Variants in BCAR3 observed in about 807,000 individuals in gnomAD.
BCAR3 encodes the protein breast cancer anti-estrogen resistance protein 3.
In BCAR3, 37 loss-of-function variants were observed where a neutral mutation model predicts 80.1. That is an observed-to-expected ratio of 0.46 (90% CI 0.36 to 0.61). BCAR3 has a LOEUF of 0.61. Ranked by LOEUF, BCAR3 falls within the 20% of genes least tolerant of loss-of-function variation. The pLI is 0.00. For missense variants in BCAR3, 978 were observed against 1,068.2 expected (o/e 0.92, Z 1.18); for synonymous variants, 389 against 418.9 (o/e 0.93, Z 0.87).
chr1:93,712,102 G>A lies in BCAR3; in HGVS notation c.-62-5960C>T, dbSNP rs372830147. ...CAGTTTCTTCTCCTACAAACTGGAG[G>A]TGGCTACTGTTGTGGGGTGAAGTGC... On this transcript the variant is annotated intron_variant, in intron 2 of 13. Transcript: ENST00000370244. 1.6e-3 allele frequency among the ~76,000 whole-genome samples: 246 copies of A among 152,298 alleles called. 1 individual carries two copies. Among genetic ancestry groups the A allele is most frequent in the African/African-American group, 5.7e-3 (236 of 41,566 alleles).
At chr1:93,667,176 C>T (rs1453165225) in intron 2 of BCAR3, among the ~76,000 whole-genome samples, 3 of 152,222 alleles carry the variant, frequency 2.0e-5, no homozygotes, top group East Asian at 3.8e-4. Context: ...GCCACGGCTA[C>T]GTCGACATCC....
At chr1:93,658,464 T>G (rs750036490) in intron 2 of BCAR3, among the ~76,000 whole-genome samples, 1 of 151,526 alleles carries the variant, frequency 6.6e-6, no homozygotes, top group Admixed American at 6.6e-5. Context: ...CTGGGCAACA[T>G]GGTGAGACCC....
intron 2 of BCAR3, among the ~76,000 whole-genome samples, chr1:93,727,066 A>G (rs1650610354): frequency 1.3e-5 from 2 of 152,080 alleles, no homozygotes; most frequent in Admixed American, 6.5e-5. Flanking sequence ...TGTTCCTTCC[A>G]TTGACTCTTG....
chr1:93,762,617 C>T (rs551281756), intron 2 of BCAR3, among the ~76,000 whole-genome samples: 1 of 152,308 alleles, frequency 6.6e-6, no homozygotes, highest in African/African-American at 2.4e-5. Context: ...TGAAATGACA[C>T]CCTTCACCCC....
At chr1:93,701,443 G>C (rs1375434458) in intron 3 of BCAR3, among the ~76,000 whole-genome samples, 1 of 152,190 alleles carries the variant, frequency 6.6e-6, no homozygotes, top group African/African-American at 2.4e-5. Flanking sequence ...CATGTGCATC[G>C]GTCTGTTGGG....
chr1:93,709,511 C>T (rs1649942984), intron 2 of BCAR3, among the ~76,000 whole-genome samples: 1 of 152,158 alleles, frequency 6.6e-6, no homozygotes, highest in South Asian at 2.1e-4. Context: ...AGGTGTTGGC[C>T]AGGGGCTCCA....
At chr1:93,801,386 A>G (rs1412223870) in intron 2 of BCAR3, among the ~76,000 whole-genome samples, 1 of 152,230 alleles carries the variant, frequency 6.6e-6, no homozygotes, top group Admixed American at 6.5e-5. Context: ...GTGCATTTTG[A>G]CCACCTTGGC....
intron 2 of BCAR3, among the ~76,000 whole-genome samples, chr1:93,744,669 A>G (rs1414095908): frequency 6.6e-6 from 1 of 152,180 alleles, no homozygotes; most frequent in Admixed American, 6.5e-5. Context: ...ACTGTCGATC[A>G]TAAAGGGGAC....
chr1:93,767,507 G>C (rs973503693), intron 2 of BCAR3, among the ~76,000 whole-genome samples: 2 of 149,228 alleles, frequency 1.3e-5, no homozygotes, highest in Non-Finnish European at 3.0e-5. Context: ...CTGTGTAACA[G>C]AGTGAGACTC....
intron 3 of BCAR3, 93 bp downstream of exon 3, chr1:93,642,211 A>G (rs953336296): frequency 7.0e-7 from 1 of 1,420,474 alleles, no homozygotes; most frequent in African/African-American, 1.4e-5. Context: ...TTTTTACACA[A>G]ACCAGGCTGC....
intron 3 of BCAR3, among the ~76,000 whole-genome samples, chr1:93,606,714 CCAACTTT>C (rs1360233222): frequency 3.9e-5 from 6 of 152,010 alleles, no homozygotes; most frequent in Non-Finnish European, 8.8e-5. Context: ...GTATTCTATC[CCAACTTT>C]CACCAAACAG....
chr1:93,660,644 T>C (rs1237045829), intron 2 of BCAR3, among the ~76,000 whole-genome samples: 1 of 152,264 alleles, frequency 6.6e-6, no homozygotes, highest in Non-Finnish European at 1.5e-5. Context: ...GTTACTTTCT[T>C]ACTGCAGGCA....
chr1:93,633,858 T>C (rs1213870093), intron 3 of BCAR3, among the ~76,000 whole-genome samples: 1 of 152,230 alleles, frequency 6.6e-6, no homozygotes, highest in Non-Finnish European at 1.5e-5. Flanking sequence ...CAAGCTGGTC[T>C]CGAACTCCTG....
chr1:93,604,930 T>A (rs771973380), intron 3 of BCAR3, among the ~76,000 whole-genome samples: 6 of 152,140 alleles, frequency 3.9e-5, no homozygotes, highest in Non-Finnish European at 8.8e-5. Flanking sequence ...CCCAGTGAGT[T>A]TGCCCATCAT....
intron 1 of BCAR3, chr1:93,846,760 G>A: frequency 2.3e-6 from 1 of 435,068 alleles, no homozygotes. Flanking sequence ...CGCGGGCTCG[G>A]GGCAGCTGCG....
At position 93,586,028 on chromosome 1, in the gene BCAR3, C is replaced by T. The variant is rs976327970; in HGVS notation, c.930-1907G>A. On this transcript the variant is annotated intron_variant, in intron 5 of 11. Coordinates refer to ENST00000260502, the MANE Select transcript of BCAR3 (RefSeq NM_003567.4). The surrounding 1 kb of genome is among the most constrained non-coding windows in gnomAD (Gnocchi z 4.2). ...TATCATGGAGAATGGGGTATCCATGCCCTCTAGCATTTATCCTTTGAGTTA... is the reference window on the plus strand; with the variant it reads ...TATCATGGAGAATGGGGTATCCATGTCCTCTAGCATTTATCCTTTGAGTTA... Among the ~76,000 whole-genome samples, 4 of 152,006 alleles carry T rather than the reference C, an allele frequency of 2.6e-5. No individual in the cohort carries two copies. The highest frequency in any genetic ancestry group is 4.4e-5 in the Non-Finnish European group (3 of 68,002).
At chr1:93,596,115 T>A (rs948222604) in intron 3 of BCAR3, among the ~76,000 whole-genome samples, 1 of 152,240 alleles carries the variant, frequency 6.6e-6, no homozygotes, top group African/African-American at 2.4e-5. Context: ...CTAATTGATC[T>A]AAGTTCTAAT....
intron 3 of BCAR3, among the ~76,000 whole-genome samples, chr1:93,636,862 T>A (rs236275): frequency 0.046 from 6,968 of 152,138 alleles, 251 homozygotes; most frequent in East Asian, 0.12. Flanking sequence ...TTCGGGAGGC[T>A]GAGGCAGGAG....
chr1:93,619,100 A>AT (rs34715455), intron 3 of BCAR3, among the ~76,000 whole-genome samples: 3,148 of 126,680 alleles, frequency 0.025, 57 homozygotes, highest in Middle Eastern at 0.053. Flanking sequence ...CACCACGCCA[A>AT]TTTTTTTTTT....
Sources: allele counts gnomAD v4.1 joint callset (sites outside exome capture counted in the v4.1 genomes callset), GRCh38; gene constraint gnomAD v4.1.1; non-coding constraint Gnocchi (gnomAD v3.1); transcripts MANE v1.5; gene names NCBI Gene and HGNC (gene_info 2026-07-23, HGNC 2026-07-21).